ERG: variants seen among roughly 807,000 people sequenced by gnomAD.
ERG encodes ETS transcription factor ERG.
In ERG, 9 loss-of-function variants were observed where a neutral mutation model predicts 55.3. The observed-to-expected ratio is 0.16, with a 90% CI of 0.10 to 0.28. The LOEUF (loss-of-function observed/expected upper bound fraction) is 0.28, where lower values mean the gene tolerates loss of function less well. ERG is among the 10% of genes least tolerant of loss of function. The pLI is 1.00. For synonymous variants in ERG, 223 were observed against 237.3 expected (o/e 0.94, Z 0.55); for missense variants, 434 against 631.6 (o/e 0.69, Z 3.35).
intron 2 of ERG, among the ~76,000 whole-genome samples, chr21:38,439,869 T>C (rs2058823926): frequency 6.6e-6 from 1 of 152,202 alleles, no homozygotes; most frequent in African/African-American, 2.4e-5. Context: ...GGGAACTAAG[T>C]CCTTCCTTTC....
intron 2 of ERG, among the ~76,000 whole-genome samples, chr21:38,439,126 C>T (rs1239640592): frequency 6.6e-6 from 1 of 152,142 alleles, no homozygotes; most frequent in Non-Finnish European, 1.5e-5. Flanking sequence ...GTTCCACCTG[C>T]AGTGAGCCTC....
At chr21:38,466,972 A>G (rs1397721440) in intron 1 of ERG, among the ~76,000 whole-genome samples, 7 of 152,200 alleles carry the variant, frequency 4.6e-5, no homozygotes, top group Non-Finnish European at 7.3e-5. Flanking sequence ...GCAAAGAGGG[A>G]CTAGAGCTTG....
intron 1 of ERG, among the ~76,000 whole-genome samples, chr21:38,462,127 C>G (rs918139789): frequency 6.6e-6 from 1 of 151,776 alleles, no homozygotes; most frequent in Admixed American, 6.6e-5. Flanking sequence ...ACTACAGGTA[C>G]CCGCCACCAC....
At chr21:38,430,794 C>G (rs1202964163) in intron 2 of ERG, among the ~76,000 whole-genome samples, 1 of 152,224 alleles carries the variant, frequency 6.6e-6, no homozygotes, top group African/African-American at 2.4e-5. Flanking sequence ...TCAAGCAATC[C>G]TCCTTGGTTC....
At chr21:38,490,198 GGACAAA>G (rs2059323489) in intron 1 of ERG, among the ~76,000 whole-genome samples, 1 of 151,882 alleles carries the variant, frequency 6.6e-6, no homozygotes, top group Non-Finnish European at 1.5e-5. Context: ...ACAGGAAAAT[GGACAAA>G]TTGGCTAATT....
intron 3 of ERG, among the ~76,000 whole-genome samples, chr21:38,418,941 AAAAAAAAAAG>A (rs905219745): frequency 1.0e-4 from 15 of 147,582 alleles, no homozygotes; most frequent in African/African-American, 3.7e-4. Context: ...AAAAAAAAAA[AAAAAAAAAAG>A]AAAGAAAGAA....
intron 1 of ERG, among the ~76,000 whole-genome samples, chr21:38,487,006 G>A (rs773980574): frequency 3.9e-5 from 6 of 152,184 alleles, no homozygotes; most frequent in Non-Finnish European, 5.9e-5. Context: ...GAAGTGAAAG[G>A]CGTGGTGGGA....
At chr21:38,570,413 G>A (rs974628620) in intron 2 of ERG, among the ~76,000 whole-genome samples, 7 of 152,130 alleles carry the variant, frequency 4.6e-5, no homozygotes, top group African/African-American at 1.7e-4. Flanking sequence ...GCTACAAAGC[G>A]CGTTCTGTTT....
At chr21:38,387,077 A>G (rs111725475) in intron 9 of ERG, among the ~76,000 whole-genome samples, 3 of 131,046 alleles carry the variant, frequency 2.3e-5, no homozygotes, top group South Asian at 2.1e-4. Flanking sequence ...AAAAAGGGGG[A>G]AAAAAAAACT....
rs570274882 is a variant in ERG at position 38,409,517 on chromosome 21, C to G, written c.389-5808G>C. Among the ~76,000 whole-genome samples the G allele has an allele frequency of 8.8e-3, 1,302 of 148,028 alleles. 9 individuals are homozygous for G. The highest frequency in any genetic ancestry group is 0.03 in the South Asian group (141 of 4,710). On this transcript the variant is annotated intron_variant, in intron 3 of 9. Transcript: ENST00000288319. ...AAAAAAAAAAAAAAAAAAAAGACTCCGTGATCCAAGGAGGAAGTGGAAGTG... is the reference window on the plus strand; with the variant it reads ...AAAAAAAAAAAAAAAAAAAAGACTCGGTGATCCAAGGAGGAAGTGGAAGTG...
intron 2 of ERG, among the ~76,000 whole-genome samples, chr21:38,544,088 G>T (rs1016710430): frequency 2.0e-5 from 3 of 152,192 alleles, no homozygotes; most frequent in African/African-American, 7.2e-5. Flanking sequence ...TACTGTGAAG[G>T]TGATGAAGAC....
At chr21:38,467,989 C>T (rs1389245953) in intron 1 of ERG, among the ~76,000 whole-genome samples, 1 of 152,216 alleles carries the variant, frequency 6.6e-6, no homozygotes, top group Non-Finnish European at 1.5e-5. Context: ...TGTCTTTCTC[C>T]CTCCAGCTTC....
At chr21:38,516,665 C>A (rs1175198441) in intron 2 of ERG, among the ~76,000 whole-genome samples, 1 of 151,884 alleles carries the variant, frequency 6.6e-6, no homozygotes, top group Admixed American at 6.6e-5. Flanking sequence ...TAAAGGAACC[C>A]TGAACAAAAA....
downstream of ERG, among the ~76,000 whole-genome samples, chr21:38,377,846 C>T (rs1250912057): frequency 6.6e-6 from 1 of 152,164 alleles, no homozygotes; most frequent in African/African-American, 2.4e-5. Context: ...TAATGCTGAG[C>T]AGGCTGTGAC....
intron 1 of ERG, among the ~76,000 whole-genome samples, chr21:38,625,389 TGCAGAACAC>T (rs2060318181): frequency 6.6e-6 from 1 of 152,180 alleles, no homozygotes; most frequent in Non-Finnish European, 1.5e-5. Flanking sequence ...GGGATACATG[TGCAGAACAC>T]GCAGGTTTGT....
At chr21:38,461,675 A>C (rs1476397141) in intron 1 of ERG, among the ~76,000 whole-genome samples, 1 of 152,236 alleles carries the variant, frequency 6.6e-6, no homozygotes, top group Non-Finnish European at 1.5e-5. Flanking sequence ...AGCTGCCTCC[A>C]ATTAGCCCAG....
At chr21:38,573,728 G>A (rs1003547298) in intron 2 of ERG, among the ~76,000 whole-genome samples, 5 of 152,184 alleles carry the variant, frequency 3.3e-5, no homozygotes, top group East Asian at 1.9e-4. Flanking sequence ...CTCAGAGGCC[G>A]GTGCCGGTGC....
downstream of ERG, among the ~76,000 whole-genome samples, chr21:38,376,490 T>C (rs1017746340): frequency 1.3e-5 from 2 of 152,132 alleles, no homozygotes; most frequent in East Asian, 3.9e-4. Context: ...ACCACATCAG[T>C]GAAAGGGTGG....
At chr21:38,529,216 G>C (rs1249876324) in intron 2 of ERG, among the ~76,000 whole-genome samples, 1 of 152,194 alleles carries the variant, frequency 6.6e-6, no homozygotes, top group Non-Finnish European at 1.5e-5. Flanking sequence ...CATCTGATCT[G>C]TACTTTGAGG....
Sources: allele counts gnomAD v4.1 joint callset (sites outside exome capture counted in the v4.1 genomes callset), GRCh38; gene constraint gnomAD v4.1.1; transcripts MANE v1.5; gene names NCBI Gene and HGNC (gene_info 2026-07-23, HGNC 2026-07-21).